Variants in TAFA2 observed in about 807,000 individuals in gnomAD.
The protein encoded by TAFA2 is TAFA chemokine like family member 2.
Under a neutral mutation model 18.8 loss-of-function variants are expected in TAFA2, and 7 were observed. The observed-to-expected ratio is 0.37, with a 90% confidence interval of 0.21 to 0.70. The LOEUF (loss-of-function observed/expected upper bound fraction) is 0.70. TAFA2 is among the 30% of genes least tolerant of loss of function. TAFA2 has a pLI of 0.53. For synonymous variants in TAFA2, 60 were observed against 54.2 expected (o/e 1.11, Z -0.47); for missense variants, 122 against 158.1 (o/e 0.77, Z 1.23).
At chr12:62,083,048 C>T (rs1404149046) in intron 1 of TAFA2, among the ~76,000 whole-genome samples, 1 of 152,100 alleles carries the variant, frequency 6.6e-6, no homozygotes, top group Non-Finnish European at 1.5e-5. Context: ...AAGCCAAGAT[C>T]TAAATCCCCA....
chr12:61,866,351 A>T (rs570988210), intron 2 of TAFA2, among the ~76,000 whole-genome samples: 179 of 152,320 alleles, frequency 1.2e-3, no homozygotes, highest in African/African-American at 4.3e-3. Context: ...TTAAACGGAC[A>T]TGTGTAACTA....
intron 2 of TAFA2, among the ~76,000 whole-genome samples, chr12:61,786,353 A>C (rs1218339925): frequency 6.6e-6 from 1 of 151,652 alleles, no homozygotes; most frequent in African/African-American, 2.4e-5. Context: ...CCTGTGTCCC[A>C]GAACAAAGTT....
intron 4 of TAFA2, among the ~76,000 whole-genome samples, chr12:61,753,112 A>C (rs1251889243): frequency 6.6e-6 from 1 of 152,004 alleles, no homozygotes; most frequent in African/African-American, 2.4e-5. Context: ...AACTCTTCCT[A>C]GTAGCCCATT....
intron 1 of TAFA2, among the ~76,000 whole-genome samples, chr12:62,055,995 A>G (rs1170106663): frequency 1.3e-5 from 2 of 152,224 alleles, no homozygotes; most frequent in African/African-American, 2.4e-5. Context: ...TCTTGCTTCT[A>G]TGTAGTTCAC....
At chr12:62,064,080 A>C (rs1329111053) in intron 1 of TAFA2, among the ~76,000 whole-genome samples, 1 of 152,068 alleles carries the variant, frequency 6.6e-6, no homozygotes, top group Non-Finnish European at 1.5e-5. Flanking sequence ...ATCATTTTAG[A>C]GATGAGAAAA....
intron 1 of TAFA2, among the ~76,000 whole-genome samples, chr12:61,955,659 A>T (rs1411323856): frequency 9.0e-6 from 1 of 111,436 alleles, no homozygotes; most frequent in African/African-American, 3.2e-5. Flanking sequence ...ATATATATAT[A>T]TATATATATA....
intron 4 of TAFA2, among the ~76,000 whole-genome samples, chr12:61,718,779 T>C (rs1199999731): frequency 2.0e-5 from 3 of 152,212 alleles, no homozygotes; most frequent in African/African-American, 7.2e-5. Flanking sequence ...GTAATTTGAA[T>C]TGATAGTTTT....
At chr12:62,102,168 TGA>T in intron 1 of TAFA2, among the ~76,000 whole-genome samples, 1 of 152,332 alleles carries the variant, frequency 6.6e-6, no homozygotes, top group African/African-American at 2.4e-5. Context: ...TGTCCTCCCT[TGA>T]TTATATTTTC....
chr12:61,889,826 C>T (rs1258334269), intron 1 of TAFA2, among the ~76,000 whole-genome samples: 1 of 152,154 alleles, frequency 6.6e-6, no homozygotes, highest in Non-Finnish European at 1.5e-5. Flanking sequence ...TGTTCTGAGA[C>T]ACTTGTGAGT....
At chr12:61,867,905 T>G (rs539346548) in intron 1 of TAFA2, among the ~76,000 whole-genome samples, 2 of 152,290 alleles carry the variant, frequency 1.3e-5, no homozygotes, top group Admixed American at 1.3e-4. Flanking sequence ...TTATTCCTAA[T>G]GTGCTTTTTA....
At chr12:61,795,795 A>T (rs918873663) in intron 2 of TAFA2, among the ~76,000 whole-genome samples, 1 of 151,888 alleles carries the variant, frequency 6.6e-6, no homozygotes, top group Non-Finnish European at 1.5e-5. Context: ...AAAAAGAAAA[A>T]TAAAATAAGA....
At chr12:62,227,424 C>CT (rs1382956772) in intron 1 of TAFA2, among the ~76,000 whole-genome samples, 1 of 152,088 alleles carries the variant, frequency 6.6e-6, no homozygotes, top group Non-Finnish European at 1.5e-5. Context: ...GGGTATTTGT[C>CT]TTTTTTTGAG....
Position 62,124,897 on chromosome 12 carries a change from T to C in TAFA2, c.-2+66362A>G, listed in dbSNP as rs117034487. Among the ~76,000 whole-genome samples, 713 of 152,206 alleles carry C rather than the reference T, an allele frequency of 4.7e-3. 4 individuals carry two copies. Among genetic ancestry groups the C allele is most frequent in the Non-Finnish European group, 9.1e-3 (616 of 67,996 alleles). Reference sequence around the variant, plus strand: ...ATAATGCACTGTTGTAAAGGGTCAATCAAGACTCCAGCCCATAACTCACTA... The same window carrying C: ...ATAATGCACTGTTGTAAAGGGTCAACCAAGACTCCAGCCCATAACTCACTA... On this transcript the variant is annotated intron_variant, in intron 1 of 4. Transcript: ENST00000416284.
intron 1 of TAFA2, among the ~76,000 whole-genome samples, chr12:61,939,526 T>C (rs1022838775): frequency 1.3e-5 from 2 of 152,222 alleles, no homozygotes; most frequent in Non-Finnish European, 1.5e-5. Flanking sequence ...CCTTGAGTTC[T>C]GGCAGTTCTA....
At chr12:62,076,752 C>T (rs1326633200) in intron 1 of TAFA2, among the ~76,000 whole-genome samples, 1 of 152,204 alleles carries the variant, frequency 6.6e-6, no homozygotes, top group East Asian at 1.9e-4. Context: ...TTGCTATGCA[C>T]ACAAAGCACA....
At chr12:62,245,365 C>T (rs866363704) in intron 1 of TAFA2, among the ~76,000 whole-genome samples, 18 of 151,816 alleles carry the variant, frequency 1.2e-4, no homozygotes, top group Admixed American at 2.6e-4. Context: ...CAATATTTTA[C>T]TTAATAGATA....
chr12:61,914,498 C>G (rs975557490), intron 1 of TAFA2, among the ~76,000 whole-genome samples: 3 of 152,144 alleles, frequency 2.0e-5, no homozygotes, highest in African/African-American at 7.2e-5. Flanking sequence ...CTAAGAGTTA[C>G]TGTAAACCTA....
rs1172711323 is a variant in TAFA2 at position 61,861,256 on chromosome 12, CTTT to C, written c.106+6061_106+6063del. Among the ~76,000 whole-genome samples the C allele has an allele frequency of 2.5e-3, 297 of 117,122 alleles. 1 individual carries two copies. Among genetic ancestry groups the C allele is most frequent in the Middle Eastern group, 6.4e-3 (1 of 156 alleles). 76.8% of individuals were successfully genotyped at this position (117,122 alleles called of 152,430 possible). On this transcript the variant is annotated intron_variant, in intron 2 of 4. Transcript: ENST00000416284. ...CATAGGCCACTGTGCCTGGCCTCGC[CTTT>C]TTTTTTTTTTTTTTTTTTAAGAGAA...
At chr12:62,189,119 A>C (rs2062605195) in intron 1 of TAFA2, among the ~76,000 whole-genome samples, 1 of 152,170 alleles carries the variant, frequency 6.6e-6, no homozygotes, top group African/African-American at 2.4e-5. Flanking sequence ...GTAGCACTCT[A>C]CATAAATATG....
Sources: allele counts gnomAD v4.1 joint callset (sites outside exome capture counted in the v4.1 genomes callset), GRCh38; gene constraint gnomAD v4.1.1; transcripts MANE v1.5; gene names NCBI Gene and HGNC (gene_info 2026-07-23, HGNC 2026-07-21).